Variants in CCDC7 observed in about 807,000 individuals in gnomAD.
The protein encoded by CCDC7 is coiled-coil domain-containing protein 7.
In CCDC7, 183 loss-of-function variants were observed where a neutral mutation model predicts 196.9. The observed-to-expected ratio is 0.93, with a 90% CI of 0.82 to 1.05. The LOEUF is 1.05. Among genes scored for constraint, CCDC7 ranks in the 50% least tolerant of loss-of-function variants. The pLI is 0.00. For missense variants in CCDC7, 1,540 were observed against 1,482.2 expected, an observed-to-expected ratio of 1.04 and a Z score of -0.64; for synonymous variants, 525 against 484.6, an observed-to-expected ratio of 1.08 and a Z score of -1.10.
chr10:32,491,175 A>G (rs1490151367), intron 8 of CCDC7, among the ~76,000 whole-genome samples: 1 of 152,056 alleles, frequency 6.6e-6, no homozygotes, highest in African/African-American at 2.4e-5. Context: ...TTATTCTTCT[A>G]TACCACTCTT....
At chr10:32,675,979 C>T (rs948269153) in intron 21 of CCDC7, among the ~76,000 whole-genome samples, 4 of 151,334 alleles carry the variant, frequency 2.6e-5, no homozygotes, top group African/African-American at 9.7e-5. Flanking sequence ...ACCTGACTTC[C>T]AACTATACTA....
chr10:32,566,225 T>G (rs1161030780), intron 14 of CCDC7, among the ~76,000 whole-genome samples: 4 of 152,164 alleles, frequency 2.6e-5, no homozygotes, highest in Non-Finnish European at 4.4e-5. Flanking sequence ...AAGTATGAAT[T>G]GATATATTCA....
At chr10:32,761,419 G>T (rs556227735) in intron 28 of CCDC7, among the ~76,000 whole-genome samples, 1 of 152,032 alleles carries the variant, frequency 6.6e-6, no homozygotes, top group East Asian at 1.9e-4. Context: ...AAAAATAGCA[G>T]GTTTCTGAGT....
At chr10:32,731,032 A>C (rs2083880588) in intron 28 of CCDC7, among the ~76,000 whole-genome samples, 1 of 152,108 alleles carries the variant, frequency 6.6e-6, no homozygotes, top group Non-Finnish European at 1.5e-5. Flanking sequence ...TCTATCAATT[A>C]TTGAGATGTA....
At chr10:32,681,656 G>A (rs1233145692) in intron 21 of CCDC7, among the ~76,000 whole-genome samples, 2 of 151,584 alleles carry the variant, frequency 1.3e-5, no homozygotes, top group East Asian at 3.9e-4. Context: ...TAGTGCCTTT[G>A]TAACTGTCCA....
chr10:32,854,603 A>G, intron 41 of CCDC7, 114 bp downstream of exon 42: 1 of 637,294 alleles, frequency 1.6e-6, no homozygotes, highest in Non-Finnish European at 2.7e-6. Flanking sequence ...AACCAACCTT[A>G]TGGGTGAGGC....
intron 11 of CCDC7, among the ~76,000 whole-genome samples, chr10:32,526,517 T>G (rs1230024753): frequency 1.3e-5 from 2 of 152,156 alleles, no homozygotes; most frequent in Non-Finnish European, 2.9e-5. Flanking sequence ...GCTTGGAATG[T>G]CCTGAGTCAC....
chr10:32,452,456 T>C (rs1026218488), intron 1 of CCDC7, among the ~76,000 whole-genome samples: 1 of 152,236 alleles, frequency 6.6e-6, no homozygotes, highest in African/African-American at 2.4e-5. Context: ...TCAGAAACTT[T>C]AGCTCTTTTT....
intron 41 of CCDC7, among the ~76,000 whole-genome samples, chr10:32,871,021 A>T (rs1237992601): frequency 6.6e-6 from 1 of 152,162 alleles, no homozygotes; most frequent in East Asian, 1.9e-4. Context: ...GGATTTTTGC[A>T]TGAATGTTCA....
At chr10:32,452,518 C>T (rs1199766401) in intron 1 of CCDC7, among the ~76,000 whole-genome samples, 2 of 152,220 alleles carry the variant, frequency 1.3e-5, no homozygotes, top group Middle Eastern at 3.2e-3. Flanking sequence ...AGTGCCGTGG[C>T]ATGATCTTGG....
intron 20 of CCDC7, among the ~76,000 whole-genome samples, chr10:32,644,195 T>G (rs2067350352): frequency 2.6e-5 from 4 of 152,220 alleles, no homozygotes; most frequent in African/African-American, 7.2e-5. Flanking sequence ...GTCATTTTTA[T>G]GGTAATAACA....
At chr10:32,566,980 A>G (rs779858393) in intron 14 of CCDC7, among the ~76,000 whole-genome samples, 4 of 116,386 alleles carry the variant, frequency 3.4e-5, no homozygotes, top group Admixed American at 9.9e-5. Flanking sequence ...TAAATATATA[A>G]CATATTTATA....
chr10:32,672,615 T>A (rs1470419926), intron 21 of CCDC7, among the ~76,000 whole-genome samples: 1 of 152,174 alleles, frequency 6.6e-6, no homozygotes, highest in Admixed American at 6.6e-5. Context: ...GGATGGCTCT[T>A]GGTTACCTCA....
intron 8 of CCDC7, among the ~76,000 whole-genome samples, chr10:32,474,350 A>G (rs1489673514): frequency 6.7e-6 from 1 of 149,132 alleles, no homozygotes; most frequent in African/African-American, 2.5e-5. Flanking sequence ...CAGCCTCCCA[A>G]GTAGCTGGGA....
chr10:32,578,015 C>T (rs923260550), intron 16 of CCDC7, among the ~76,000 whole-genome samples: 6 of 152,094 alleles, frequency 3.9e-5, no homozygotes, highest in Non-Finnish European at 7.4e-5. Flanking sequence ...CAAAAGCTTC[C>T]GTCAGAAAAT....
At chr10:32,556,334 T>A (rs1267576881) in intron 13 of CCDC7, among the ~76,000 whole-genome samples, 1 of 152,238 alleles carries the variant, frequency 6.6e-6, no homozygotes, top group Non-Finnish European at 1.5e-5. Context: ...ATCATTTTTA[T>A]CTCATGTAAA....
intron 15 of CCDC7, among the ~76,000 whole-genome samples, chr10:32,571,638 T>A (rs1315028343): frequency 6.6e-6 from 1 of 152,108 alleles, no homozygotes. Flanking sequence ...AAAACCTTAT[T>A]TGCTCTTAAT....
chr10:32,542,355 G>A (rs11008967), intron 11 of CCDC7, among the ~76,000 whole-genome samples: 15 of 152,156 alleles, frequency 9.9e-5, no homozygotes, highest in East Asian at 9.7e-4. Context: ...CAGAAAGGCC[G>A]GGTGCAGTGT....
At chr10:32,464,850 A>G (rs1283365795) in intron 5 of CCDC7, among the ~76,000 whole-genome samples, 1 of 152,028 alleles carries the variant, frequency 6.6e-6, no homozygotes, top group African/African-American at 2.4e-5. Flanking sequence ...TCTCTCTTGT[A>G]TATTCAGTTT....
Sources: allele counts gnomAD v4.1 joint callset (sites outside exome capture counted in the v4.1 genomes callset), GRCh38; gene constraint gnomAD v4.1.1; transcripts MANE v1.5; gene names NCBI Gene and HGNC (gene_info 2026-07-23, HGNC 2026-07-21).